NFATC2: variants seen among roughly 807,000 people sequenced by gnomAD.
NFATC2 encodes nuclear factor of activated T cells 2, also known as nuclear factor of activated T-cells, cytoplasmic 2.
Under a neutral mutation model 87.3 loss-of-function variants are expected in NFATC2, and 22 were observed. That is an observed-to-expected ratio of 0.25 (90% confidence interval 0.18 to 0.36). The LOEUF is 0.36. NFATC2 is among the 10% of genes least tolerant of loss of function. The pLI is 1.00. For missense variants in NFATC2, 1,149 were observed against 1,259.1 expected (o/e 0.91, Z 1.32); for synonymous variants, 565 against 542.2 (o/e 1.04, Z -0.58).
rs187595041 is a variant in NFATC2, at chr20:51,420,846, T to A, written c.2722+11221A>T. Among the ~76,000 whole-genome samples, 23 of 152,266 alleles carry A rather than the reference T, an allele frequency of 1.5e-4. No individual in the cohort carries two copies. The East Asian group carries it at 4.0e-3, about 27-fold the overall frequency. ...TCTTGTACTTTCAGAGTCCTTTTTT[T>A]AGAGATACATGCTATTTCTACACGA... On this transcript the variant is annotated intron_variant, in intron 9 of 10. Coordinates refer to ENST00000371564, the MANE Select transcript of NFATC2 (RefSeq NM_012340.5).
chr20:51,484,231 A>G (rs1193287323), intron 3 of NFATC2, among the ~76,000 whole-genome samples: 1 of 151,724 alleles, frequency 6.6e-6, no homozygotes, highest in Non-Finnish European at 1.5e-5. Flanking sequence ...CTCTCCCTCC[A>G]TGACCTGCAG....
intron 9 of NFATC2, among the ~76,000 whole-genome samples, chr20:51,419,221 A>G (rs1311676711): frequency 6.6e-6 from 1 of 152,170 alleles, no homozygotes; most frequent in Non-Finnish European, 1.5e-5. Flanking sequence ...ATCCTGCACA[A>G]AGACCCCAAA....
At chr20:51,454,245 G>T (rs552005160) in intron 6 of NFATC2, among the ~76,000 whole-genome samples, 3 of 152,114 alleles carry the variant, frequency 2.0e-5, no homozygotes, top group South Asian at 2.1e-4. Flanking sequence ...CTTGATAATA[G>T]CAAAAAGTTT....
intron 10 of NFATC2, among the ~76,000 whole-genome samples, chr20:51,393,805 A>G (rs1284975634): frequency 6.6e-6 from 1 of 152,192 alleles, no homozygotes; most frequent in Non-Finnish European, 1.5e-5. Flanking sequence ...AAAACTTTCC[A>G]CAGCCTCAGC....
chr20:51,479,496 G>A (rs1049646110), intron 3 of NFATC2, among the ~76,000 whole-genome samples: 7 of 152,168 alleles, frequency 4.6e-5, no homozygotes, highest in African/African-American at 9.7e-5. Flanking sequence ...TCGCACGTCC[G>A]TAGTCTCAGC....
intron 1 of NFATC2, among the ~76,000 whole-genome samples, chr20:51,530,036 T>C (rs540036943): frequency 2.4e-4 from 37 of 151,956 alleles, no homozygotes; most frequent in African/African-American, 8.7e-4. Flanking sequence ...ACCAACATAA[T>C]CAAAATATGG....
At position 51,499,044 on chromosome 20, in the gene NFATC2, G is replaced by A. The variant is rs142595928; in HGVS notation, c.1332+17740C>T. Among the ~76,000 whole-genome samples, 6 of 152,244 alleles carry A rather than the reference G, an allele frequency of 3.9e-5. No homozygotes were observed. In the East Asian group the frequency reaches 1.2e-3, roughly 29 times the overall value. On this transcript the variant is annotated intron_variant, in intron 3 of 10. Transcript: ENST00000371564. ...GGGAATGGAGTGAGGGAGTGAGTGA[G>A]TGAGGAAGAGAGGCAGGCAGGGACC...
chr20:51,507,508 T>C (rs1234173817), intron 3 of NFATC2, among the ~76,000 whole-genome samples: 1 of 152,174 alleles, frequency 6.6e-6, no homozygotes, highest in Non-Finnish European at 1.5e-5. Flanking sequence ...ACAGATGAAA[T>C]GCCTTCTCTG....
chr20:51,393,549 G>T (rs1986625755), intron 10 of NFATC2, among the ~76,000 whole-genome samples: 1 of 152,218 alleles, frequency 6.6e-6, no homozygotes, highest in African/African-American at 2.4e-5. Context: ...CATCTACTGT[G>T]TACTGGGTAA....
intron 5 of NFATC2, among the ~76,000 whole-genome samples, chr20:51,457,133 T>A (rs573452607): frequency 6.6e-6 from 1 of 152,376 alleles, no homozygotes; most frequent in South Asian, 2.1e-4. Context: ...TTTCTTTCAA[T>A]ATCAAAGTTT....
intron 4 of NFATC2, among the ~76,000 whole-genome samples, chr20:51,474,934 G>A (rs534078162): frequency 3.3e-5 from 5 of 151,418 alleles, no homozygotes; most frequent in South Asian, 2.1e-4. Flanking sequence ...TCTTCCTCCC[G>A]AGGCACATGA....
chr20:51,431,977 C>G, intron 9 of NFATC2, 90 bp downstream of exon 9: 1 of 1,342,396 alleles, frequency 7.4e-7, no homozygotes, highest in Non-Finnish European at 1.0e-6. Context: ...AAAGAGATTA[C>G]GGAATCCGTA....
At chr20:51,442,843 G>A (rs1234016567) in intron 6 of NFATC2, among the ~76,000 whole-genome samples, 1 of 152,018 alleles carries the variant, frequency 6.6e-6, no homozygotes, top group South Asian at 2.1e-4. Flanking sequence ...CTCCGGCACA[G>A]CTGTACCCCA....
upstream of NFATC2, among the ~76,000 whole-genome samples, chr20:51,547,697 CCTCAA>C (rs2076900581): frequency 6.6e-6 from 1 of 152,172 alleles, no homozygotes; most frequent in Non-Finnish European, 1.5e-5. Context: ...CCTCACTGTG[CCTCAA>C]CTCAAGTATT....
At chr20:51,400,380 C>A (rs1000004679) in intron 9 of NFATC2, among the ~76,000 whole-genome samples, 67 of 151,610 alleles carry the variant, frequency 4.4e-4, no homozygotes, top group African/African-American at 1.5e-3. Flanking sequence ...CCCCAGGGAC[C>A]AGGTTCTTCA....
At chr20:51,541,468 G>A (rs1027539946) in intron 1 of NFATC2, among the ~76,000 whole-genome samples, 2 of 152,102 alleles carry the variant, frequency 1.3e-5, no homozygotes, top group South Asian at 2.1e-4. Context: ...TCCCTCTAAC[G>A]AATGCTCCTG....
At chr20:51,539,580 G>A (rs547555507) in intron 1 of NFATC2, among the ~76,000 whole-genome samples, 49 of 152,158 alleles carry the variant, frequency 3.2e-4, no homozygotes, top group Non-Finnish European at 7.4e-5. Context: ...AACTCCTGGG[G>A]TTAAGAGATT....
At chr20:51,415,069 A>G (rs1979848644) in intron 9 of NFATC2, among the ~76,000 whole-genome samples, 1 of 151,770 alleles carries the variant, frequency 6.6e-6, no homozygotes, top group Admixed American at 6.6e-5. Flanking sequence ...TGGGCAACAT[A>G]GTGAGACCCC....
At chr20:51,416,199 T>C (rs1268425625) in intron 9 of NFATC2, among the ~76,000 whole-genome samples, 1 of 149,882 alleles carries the variant, frequency 6.7e-6, no homozygotes, top group Non-Finnish European at 1.5e-5. Context: ...AAGGCAGAGG[T>C]TGCAGCGAAC....
Sources: gnomAD v4.1 joint callset for allele counts (sites outside exome capture counted in the v4.1 genomes callset) on GRCh38, gnomAD v4.1.1 for gene constraint, MANE v1.5 for transcripts, NCBI Gene and HGNC (gene_info 2026-07-23, HGNC 2026-07-21) for gene names.